Variants in TAF3 observed in about 807,000 individuals in gnomAD.
The protein encoded by TAF3 is TATA-box binding protein associated factor 3, also known as transcription initiation factor TFIID subunit 3.
TAF3 carries 7 observed loss-of-function variants against 80.6 expected under a neutral mutation model. That is an observed-to-expected ratio of 0.09 (90% CI 0.05 to 0.16). The LOEUF is 0.16. Among genes scored for constraint, TAF3 ranks in the 10% least tolerant of loss-of-function variants. TAF3 has a pLI of 1.00. For synonymous variants in TAF3, 444 were observed against 446.1 expected, an observed-to-expected ratio of 1.00 and a Z score of 0.06; for missense variants, 921 against 1,140.2, an observed-to-expected ratio of 0.81 and a Z score of 2.77.
chr10:7,918,176 A>T (rs551306698), intron 2 of TAF3, among the ~76,000 whole-genome samples: 2 of 152,328 alleles, frequency 1.3e-5, no homozygotes, highest in South Asian at 4.1e-4. Flanking sequence ...TGAAATGCGT[A>T]AAACAAGAAA....
At chr10:7,932,837 C>T (rs1188021579) in intron 2 of TAF3, among the ~76,000 whole-genome samples, 1 of 151,906 alleles carries the variant, frequency 6.6e-6, no homozygotes, top group Non-Finnish European at 1.5e-5. Context: ...ACTACCACAC[C>T]GAGCTAATTC....
intron 2 of TAF3, among the ~76,000 whole-genome samples, chr10:7,944,093 TTGTGTGTGTGTGTGTGTGTG>T (rs35219363): frequency 8.0e-5 from 11 of 137,094 alleles, no homozygotes; most frequent in Admixed American, 5.8e-4. Context: ...ATGTTCATGC[TTGTGTGTGTGTGTGTGTGTG>T]TGTGTGTGTG....
intron 4 of TAF3, among the ~76,000 whole-genome samples, chr10:8,002,789 A>C (rs1162484057): frequency 6.6e-5 from 10 of 152,170 alleles, no homozygotes; most frequent in Admixed American, 6.5e-4. Context: ...ATATGCTTAC[A>C]TCTGTGGCTA....
At chr10:8,007,563 TA>T (rs1285746805) in intron 4 of TAF3, among the ~76,000 whole-genome samples, 50 of 794 alleles carry the variant, frequency 0.063, no homozygotes, top group African/African-American at 0.11. Context: ...TGTGTGAAAT[TA>T]TATATATATA....
At chr10:7,842,568 G>T (rs1836929244) in intron 2 of TAF3, among the ~76,000 whole-genome samples, 1 of 151,950 alleles carries the variant, frequency 6.6e-6, no homozygotes, top group South Asian at 2.1e-4. Flanking sequence ...TTAGATGCGG[G>T]CTTAAAGCTA....
In TAF3 at chr10:7,944,233, T is replaced by G. The variant is rs183769909; in HGVS notation, c.410-19687T>G. ...TACTTACTGCGTTGGATAAACATAC[T>G]GGAATACTGCCAAAAATTCAGGTGG... On this transcript the variant is annotated intron_variant, in intron 2 of 6. Transcript: ENST00000344293. Among the ~76,000 whole-genome samples, 3 of 152,044 alleles carry G rather than the reference T, an allele frequency of 2.0e-5. No homozygotes were observed. The East Asian group carries it at 5.8e-4, about 29-fold the overall frequency.
In TAF3 at chr10:7,902,591, C is replaced by T. The variant is rs77894685; in HGVS notation, c.410-61329C>T. On this transcript the variant is annotated intron_variant, in intron 2 of 6. Coordinates refer to ENST00000344293, the MANE Select transcript of TAF3 (RefSeq NM_031923.4). ...CTTTTCAGTGTGTTACATCAGGAGGCGTATAATGTCAGGCTCTCTGGGTGC... is the reference window on the plus strand; with the variant it reads ...CTTTTCAGTGTGTTACATCAGGAGGTGTATAATGTCAGGCTCTCTGGGTGC... Among the ~76,000 whole-genome samples, 826 of 152,158 alleles carry T rather than the reference C, an allele frequency of 5.4e-3. 8 individuals are homozygous for T. The highest frequency in any genetic ancestry group is 0.019 in the African/African-American group (785 of 41,508).
intron 2 of TAF3, among the ~76,000 whole-genome samples, chr10:7,935,097 T>C (rs927391881): frequency 1.3e-5 from 2 of 151,958 alleles, no homozygotes; most frequent in African/African-American, 4.8e-5. Flanking sequence ...GCCAACATGG[T>C]GAAACCGCAT....
rs751274230 is a variant in TAF3, at chr10:8,013,853, G to A, written c.2675+16G>A. On this transcript the variant is annotated intron_variant, in intron 6 of 6. Transcript: ENST00000344293. ...GGTACCACTGGTGAGTGCCCAGGGC[G>A]CCCTGCCGGCCACACTCATTAGGCA... is the stretch of plus-strand genomic sequence containing the variant. The A allele has an allele frequency of 6.9e-6, 11 of 1,604,110 alleles. No individual in the cohort carries two copies. The highest frequency in any genetic ancestry group is 5.0e-5 in the Admixed American group (3 of 59,996).
chr10:7,880,075 C>A (rs192758702), intron 2 of TAF3, among the ~76,000 whole-genome samples: 505 of 151,966 alleles, frequency 3.3e-3, no homozygotes, highest in Non-Finnish European at 4.7e-3. Flanking sequence ...CTGGCCACCC[C>A]AAAAATATAA....
At chr10:7,923,797 T>C (rs1190479034) in intron 2 of TAF3, among the ~76,000 whole-genome samples, 4 of 152,118 alleles carry the variant, frequency 2.6e-5, no homozygotes, top group Non-Finnish European at 5.9e-5. Flanking sequence ...TTAGAATAAA[T>C]GGGGAAAAAT....
At chr10:7,845,889 C>A (rs1836964752) in intron 2 of TAF3, among the ~76,000 whole-genome samples, 1 of 150,930 alleles carries the variant, frequency 6.6e-6, no homozygotes, top group African/African-American at 2.4e-5. Context: ...TTGAAGGCAA[C>A]AGATTATTTC....
chr10:7,843,675 T>A (rs1017427076), intron 2 of TAF3, among the ~76,000 whole-genome samples: 2 of 149,082 alleles, frequency 1.3e-5, no homozygotes, highest in Admixed American at 6.8e-5. Flanking sequence ...CTGTGATCAG[T>A]CGTTGGATAA....
Position 7,936,871 on chromosome 10 carries a change from A to AT in TAF3, c.410-27038dup, listed in dbSNP as rs999915257. ...TCCCTGTACCCGCTGGCATCCATTG[A>AT]TTTTTTTTTTTGGAAACTGTATTCA... On this transcript the variant is annotated intron_variant, in intron 2 of 6. Coordinates refer to ENST00000344293, the MANE Select transcript of TAF3 (RefSeq NM_031923.4). Among the ~76,000 whole-genome samples the AT allele has an allele frequency of 2.6e-3, 385 of 147,770 alleles. 2 individuals are homozygous for AT. Among genetic ancestry groups the AT allele is most frequent in the South Asian group, 4.1e-3 (19 of 4,652 alleles).
intron 2 of TAF3, among the ~76,000 whole-genome samples, chr10:7,860,886 G>C (rs1837138387): frequency 7.0e-6 from 1 of 143,114 alleles, no homozygotes; most frequent in South Asian, 2.3e-4. Context: ...TGCAACCTCT[G>C]CCTCCTGGGT....
intron 4 of TAF3, among the ~76,000 whole-genome samples, chr10:8,005,795 C>T (rs569203815): frequency 3.8e-4 from 58 of 152,136 alleles, no homozygotes; most frequent in Non-Finnish European, 3.4e-4. Flanking sequence ...AATGCCATAG[C>T]GATAACTTTG....
At chr10:7,987,373 T>C (rs553153358) in intron 4 of TAF3, among the ~76,000 whole-genome samples, 17 of 152,224 alleles carry the variant, frequency 1.1e-4, no homozygotes, top group African/African-American at 4.1e-4. Context: ...CAGCAGCTTA[T>C]CCCCTCCCCT....
intron 2 of TAF3, among the ~76,000 whole-genome samples, chr10:7,868,446 C>T (rs1392220880): frequency 6.6e-6 from 1 of 150,658 alleles, no homozygotes; most frequent in African/African-American, 2.4e-5. Context: ...ACATAGCAGC[C>T]AAGCTCTAGT....
chr10:7,937,256 C>T (rs180865913), intron 2 of TAF3, among the ~76,000 whole-genome samples: 16 of 152,292 alleles, frequency 1.1e-4, no homozygotes, highest in Admixed American at 4.6e-4. Context: ...TAAGAAACTG[C>T]CAAACTGTCT....
Sources: allele counts gnomAD v4.1 joint callset (sites outside exome capture counted in the v4.1 genomes callset), GRCh38; gene constraint gnomAD v4.1.1; transcripts MANE v1.5; gene names NCBI Gene and HGNC (gene_info 2026-07-23, HGNC 2026-07-21).